Variants in METTL15 observed in about 807,000 individuals in gnomAD.
METTL15 encodes the protein 12S rRNA N(4)-cytidine methyltransferase METTL15.
A neutral mutation model predicts 38.3 loss-of-function variants in METTL15; 34 were observed. The observed-to-expected ratio is 0.89, with a 90% confidence interval of 0.68 to 1.18. METTL15 has a LOEUF of 1.18. Ranked by LOEUF, METTL15 falls within the 50% of genes most tolerant of loss-of-function variation. The pLI is 0.00. For missense variants in METTL15, 438 were observed against 498.4 expected, an observed-to-expected ratio of 0.88 and a Z score of 1.15; for synonymous variants, 162 against 170.9, an observed-to-expected ratio of 0.95 and a Z score of 0.41.
At chr11:28,306,578 A>G (rs983177421) in intron 6 of METTL15, among the ~76,000 whole-genome samples, 1 of 152,034 alleles carries the variant, frequency 6.6e-6, no homozygotes, top group Non-Finnish European at 1.5e-5. Flanking sequence ...TTCACCCAAA[A>G]ATATTGAGAG....
At chr11:28,183,462 C>T (rs1461346346) in intron 3 of METTL15, among the ~76,000 whole-genome samples, 2 of 152,028 alleles carry the variant, frequency 1.3e-5, no homozygotes, top group Non-Finnish European at 2.9e-5. Flanking sequence ...GAGTTTTTAG[C>T]ATGAAAGGCT....
intron 3 of METTL15, among the ~76,000 whole-genome samples, chr11:28,339,071 T>C (rs543865969): frequency 6.2e-4 from 95 of 152,226 alleles, no homozygotes; most frequent in African/African-American, 2.2e-3. Context: ...CTTGAAGGAA[T>C]TGGAGCTCAG....
chr11:28,401,976 T>G (rs889988911), intron 5 of METTL15, among the ~76,000 whole-genome samples: 2 of 152,000 alleles, frequency 1.3e-5, no homozygotes, highest in Non-Finnish European at 2.9e-5. Context: ...AAAATTAACA[T>G]AAAAACTCTC....
At chr11:28,326,776 TTTG>T (rs2134056989) in intron 6 of METTL15, among the ~76,000 whole-genome samples, 1 of 151,850 alleles carries the variant, frequency 6.6e-6, no homozygotes, top group Admixed American at 6.6e-5. Flanking sequence ...TGTTTTTGTT[TTTG>T]TTTTTTGGTT....
intron 4 of METTL15, among the ~76,000 whole-genome samples, chr11:28,236,011 C>T (rs1341668415): frequency 6.6e-6 from 1 of 151,934 alleles, no homozygotes. Flanking sequence ...GAGTTTTTAG[C>T]ATGAAGGGTT....
chr11:28,443,285 G>A (rs1451937239), intron 6 of METTL15, among the ~76,000 whole-genome samples: 3 of 151,884 alleles, frequency 2.0e-5, no homozygotes, highest in East Asian at 1.9e-4. Flanking sequence ...AGGCATAGCC[G>A]CCTCTCGTTA....
At chr11:28,128,462 TTATG>T (rs1432046042) in intron 3 of METTL15, among the ~76,000 whole-genome samples, 1 of 152,136 alleles carries the variant, frequency 6.6e-6, no homozygotes, top group Non-Finnish European at 1.5e-5. Flanking sequence ...AAAATCAACA[TTATG>T]TATGTATGTT....
chr11:28,475,485 G>T (rs1209016212), intron 6 of METTL15, among the ~76,000 whole-genome samples: 2 of 152,132 alleles, frequency 1.3e-5, no homozygotes, highest in Non-Finnish European at 2.9e-5. Flanking sequence ...GATTTGTCTG[G>T]TCATGGTCTC....
chr11:28,232,648 T>C lies in METTL15; in HGVS notation c.407+21450T>C, dbSNP rs1853734930. Among the ~76,000 whole-genome samples, 4 of 152,094 alleles carry C rather than the reference T, an allele frequency of 2.6e-5. No homozygotes were observed. The South Asian group carries it at 8.3e-4, about 32-fold the overall frequency. Reference sequence around the variant, plus strand: ...CAGCAAGTATATTAAAAGGAACATATTGTGTGCAATGTGTAGGCCCAGCAT... The same window carrying C: ...CAGCAAGTATATTAAAAGGAACATACTGTGTGCAATGTGTAGGCCCAGCAT... On this transcript the variant is annotated intron_variant, in intron 4 of 6. Coordinates refer to ENST00000407364, the MANE Select transcript of METTL15 (RefSeq NM_001113528.2).
chr11:28,281,361 A>G (rs1856048998), intron 4 of METTL15, among the ~76,000 whole-genome samples: 1 of 152,106 alleles, frequency 6.6e-6, no homozygotes. Flanking sequence ...TATCTCCTGT[A>G]TCCAATGAAG....
intron 3 of METTL15, among the ~76,000 whole-genome samples, chr11:28,199,729 A>G (rs1298958031): frequency 6.6e-6 from 1 of 151,846 alleles, no homozygotes; most frequent in Non-Finnish European, 1.5e-5. Context: ...CTGTTGTAAG[A>G]ATTAAATTAA....
intron 6 of METTL15, among the ~76,000 whole-genome samples, chr11:28,453,502 A>G (rs961750366): frequency 6.6e-6 from 1 of 152,214 alleles, no homozygotes; most frequent in African/African-American, 2.4e-5. Flanking sequence ...TTATTCCTGC[A>G]TATTTGATGA....
chr11:28,290,392 T>C lies in METTL15; in HGVS notation c.594T>C (p.Gly198=). The C allele has an allele frequency of 6.2e-7, 1 of 1,609,558 alleles. No individual in the cohort carries two copies. The stretch of plus-strand genomic sequence containing the variant: ...GCCCTTTGGACATGAGAATGGATGG[T>C]GGCAGGTGAGTATTCATAAAGCATT... The part of the protein sequence containing the change: ...KDGPLDMRMD[G]GRYPDMPTAA... Residue 198 remains glycine, a synonymous_variant, in exon 5 of 7, where the codon GGT becomes GGC. Coordinates refer to ENST00000407364, the MANE Select transcript of METTL15 (RefSeq NM_001113528.2).
Position 28,330,538 on chromosome 11 carries a change from G to C in METTL15, c.921G>C (p.Gln307His). The C allele has an allele frequency of 6.4e-7, 1 of 1,551,672 alleles. No homozygotes were observed. The highest frequency in any genetic ancestry group is 1.4e-5 in the African/African-American group (1 of 73,128). The part of the protein sequence containing the change: ...NELYTGLKTA[Q>H]KFLRPGGRLV... ...TCTACACGGGACTGAAGACAGCTCA[G>C]AAGTTTCTGAGACCTGGTGGTCGTC... Residue 307 changes from glutamine to histidine, a missense_variant, in exon 7 of 7, where the codon CAG becomes CAC. Gln to His is a conservative substitution (Grantham distance 24, BLOSUM62 0). Transcript: ENST00000407364.
intron 6 of METTL15, among the ~76,000 whole-genome samples, chr11:28,321,427 A>G (rs1004462071): frequency 9.8e-5 from 15 of 152,286 alleles, no homozygotes; most frequent in African/African-American, 3.1e-4. Flanking sequence ...ATAATTTTTT[A>G]TGCTTTTTCA....
chr11:28,375,999 A>C (rs1471667739), intron 5 of METTL15, among the ~76,000 whole-genome samples: 2 of 152,088 alleles, frequency 1.3e-5, no homozygotes, highest in Non-Finnish European at 2.9e-5. Flanking sequence ...CTTAATCCTA[A>C]GTTTTAGTTT....
intron 4 of METTL15, among the ~76,000 whole-genome samples, chr11:28,255,854 C>T (rs1054729720): frequency 2.0e-5 from 3 of 152,170 alleles, no homozygotes; most frequent in Non-Finnish European, 4.4e-5. Flanking sequence ...CAGGCATGTG[C>T]CACCACTCCC....
intron 3 of METTL15, among the ~76,000 whole-genome samples, chr11:28,115,641 C>T (rs1462370330): frequency 6.6e-6 from 1 of 151,984 alleles, no homozygotes; most frequent in Non-Finnish European, 1.5e-5. Context: ...TTAAGAGAAT[C>T]ATAAGGAAGA....
intron 3 of METTL15, among the ~76,000 whole-genome samples, chr11:28,166,341 G>A (rs1457032253): frequency 2.0e-5 from 3 of 152,138 alleles, no homozygotes; most frequent in Non-Finnish European, 2.9e-5. Context: ...TATGATGTAG[G>A]ATTAGTTTCT....
Sources: allele counts gnomAD v4.1 joint callset (sites outside exome capture counted in the v4.1 genomes callset), GRCh38; gene constraint gnomAD v4.1.1; transcripts MANE v1.5; gene names NCBI Gene and HGNC (gene_info 2026-07-23, HGNC 2026-07-21).